Variants in FER1L6 observed in about 807,000 individuals in gnomAD.
The protein encoded by FER1L6 is fer-1 like family member 6.
A neutral mutation model predicts 219.2 loss-of-function variants in FER1L6; 177 were observed. The ratio of observed to expected loss-of-function variants is 0.81; its 90% CI spans 0.71 to 0.91. The LOEUF is 0.91. Ranked by LOEUF, FER1L6 falls within the 40% of genes least tolerant of loss-of-function variation. The probability of loss-of-function intolerance (pLI) is 0.00; values close to 1 mark genes in which losing one functional copy is unlikely to be tolerated. For synonymous variants in FER1L6, 768 were observed against 824.3 expected, an observed-to-expected ratio of 0.93 and a Z score of 1.17; for missense variants, 2,153 against 2,259.9, an observed-to-expected ratio of 0.95 and a Z score of 0.96.
At chr8:123,977,814 C>T (rs189746543) in intron 10 of FER1L6, among the ~76,000 whole-genome samples, 11 of 152,262 alleles carry the variant, frequency 7.2e-5, no homozygotes, top group African/African-American at 2.2e-4. Flanking sequence ...GCATTAGTCT[C>T]CTCATAAGGA....
intron 12 of FER1L6, among the ~76,000 whole-genome samples, chr8:124,000,295 T>C (rs1253953286): frequency 6.6e-6 from 1 of 152,374 alleles, no homozygotes; most frequent in East Asian, 1.9e-4. Context: ...CTGTTTTTCC[T>C]ACCTTCTTCA....
rs375748690 is a variant in FER1L6, at chr8:124,045,892, C to T, written c.2715C>T (p.Ser905=). 3.2e-5 allele frequency: 52 copies of T among 1,613,642 alleles called. No homozygotes were observed. The highest frequency in any genetic ancestry group is 1.1e-4 in the East Asian group (5 of 44,882). The part of the protein sequence containing the change: ...PPLVVVELYD[S]DAVGKPEYLG... ...TAGTGGTGGTGGAGCTGTATGACAG[C>T]GACGCTGTGGTGAGTGTCCCCCTGG... Residue 905 remains serine (S), a synonymous_variant, in exon 21 of 41, where the codon AGC becomes AGT. Transcript: ENST00000522917.
intron 1 of FER1L6, among the ~76,000 whole-genome samples, chr8:123,890,523 C>A (rs2129694783): frequency 6.6e-6 from 1 of 151,426 alleles, no homozygotes; most frequent in South Asian, 2.1e-4. Context: ...GTTTCCTATG[C>A]ATTTCCAACA....
At chr8:124,007,007 A>G (rs979632718) in intron 13 of FER1L6, among the ~76,000 whole-genome samples, 2 of 152,188 alleles carry the variant, frequency 1.3e-5, no homozygotes, top group Admixed American at 1.3e-4. Flanking sequence ...TTTTTAAGAG[A>G]TAAAGTAGAG....
intron 34 of FER1L6, among the ~76,000 whole-genome samples, 188 bp from the exon 35 acceptor site, chr8:124,094,708 A>G (rs988574930): frequency 2.6e-5 from 4 of 152,042 alleles, no homozygotes; most frequent in Non-Finnish European, 5.9e-5. Context: ...GCTCATCTTG[A>G]ACTCCTGACC....
intron 12 of FER1L6, among the ~76,000 whole-genome samples, chr8:123,999,982 C>T (rs1033707639): frequency 5.3e-4 from 81 of 152,146 alleles, no homozygotes; most frequent in African/African-American, 1.9e-3. Flanking sequence ...TCCTTGTGGC[C>T]TAGACTACCT....
chr8:123,976,040 G>A lies in FER1L6; in HGVS notation c.826G>A (p.Asp276Asn), dbSNP rs1244927045. ...CAAGGCATTTGTGGGTGACAGTAAG[G>A]ACCTGGTGGATCCCTTTGTGGAGGT... Reference protein sequence around the residue: ...VTKAFVGDSKDLVDPFVEVSF... With the variant: ...VTKAFVGDSKNLVDPFVEVSF... The change falls in exon 9 of 41, where the codon GAC becomes AAC. Residue 276 changes from aspartate to asparagine, a missense_variant. Coordinates refer to ENST00000522917, the MANE Select transcript of FER1L6 (RefSeq NM_001039112.2). 1.2e-5 allele frequency: 19 copies of A among 1,613,996 alleles called. No individual in the cohort carries two copies. The highest frequency in any genetic ancestry group is 4.5e-5 in the East Asian group (2 of 44,878).
chr8:123,987,280 C>G (rs563015723), intron 12 of FER1L6, among the ~76,000 whole-genome samples: 1 of 152,114 alleles, frequency 6.6e-6, no homozygotes, highest in African/African-American at 2.4e-5. Flanking sequence ...TGATGCTAAG[C>G]GCCTTTTCAT....
intron 34 of FER1L6, among the ~76,000 whole-genome samples, chr8:124,094,361 G>T (rs532321825): frequency 3.1e-4 from 47 of 152,194 alleles, no homozygotes; most frequent in African/African-American, 1.0e-3. Context: ...GTCCTCTTGT[G>T]AACTAGTCTT....
intron 1 of FER1L6, among the ~76,000 whole-genome samples, chr8:123,936,389 G>A (rs1452299226): frequency 1.3e-5 from 2 of 150,720 alleles, no homozygotes; most frequent in Non-Finnish European, 2.9e-5. Context: ...ATTATCTGCT[G>A]AGTTAATTAA....
chr8:123,854,438 G>A (rs1056038403), intron 1 of FER1L6, among the ~76,000 whole-genome samples: 12 of 152,084 alleles, frequency 7.9e-5, no homozygotes, highest in South Asian at 2.1e-4. Flanking sequence ...GCTTCATCTC[G>A]GATCTCTGCT....
chr8:124,073,716 CTAGAGG>C (rs1164344791), intron 31 of FER1L6, among the ~76,000 whole-genome samples: 3 of 152,084 alleles, frequency 2.0e-5, no homozygotes, highest in Non-Finnish European at 4.4e-5. Flanking sequence ...GTTCTATGTC[CTAGAGG>C]TAAAGTAATG....
Position 123,852,995 on chromosome 8 carries a change from A to C in FER1L6, c.-8+810A>C. Among the ~76,000 whole-genome samples, 1 of 152,206 alleles carries C rather than the reference A, an allele frequency of 6.6e-6. No individual in the cohort carries two copies. The highest frequency in any genetic ancestry group is 3.4e-3 in the Middle Eastern group (1 of 294). Reference sequence around the variant, plus strand: ...ATGTATTCTATGTGTCTATTTAGCTACCTATCAGATCAATTTTATTCTTAT... The same window carrying C: ...ATGTATTCTATGTGTCTATTTAGCTCCCTATCAGATCAATTTTATTCTTAT... On this transcript the variant is annotated intron_variant, in intron 1 of 40. Coordinates refer to ENST00000522917, the MANE Select transcript of FER1L6 (RefSeq NM_001039112.2). The surrounding 1 kb of genome is among the most constrained non-coding windows in gnomAD (Gnocchi z 4.9).
chr8:123,898,838 C>CATATGTGTAT (rs1812808570), intron 1 of FER1L6, among the ~76,000 whole-genome samples: 2 of 128,404 alleles, frequency 1.6e-5, no homozygotes, highest in Non-Finnish European at 3.4e-5. Flanking sequence ...TATATATATA[C>CATATGTGTAT]ATACATATAT....
chr8:123,910,981 G>T (rs1813039014), intron 1 of FER1L6, among the ~76,000 whole-genome samples: 2 of 152,052 alleles, frequency 1.3e-5, no homozygotes, highest in Admixed American at 1.3e-4. Context: ...TGAGGTCTAG[G>T]GTGAGTCACT....
At chr8:124,067,886 G>A in intron 28 of FER1L6, 80 bp downstream of exon 28, 4 of 1,165,088 alleles carry the variant, frequency 3.4e-6, no homozygotes, top group Non-Finnish European at 5.1e-6. Flanking sequence ...AGCCACGGGA[G>A]GTGTATTAGA....
chr8:123,947,206 A>T (rs1267340744), intron 1 of FER1L6, among the ~76,000 whole-genome samples: 1 of 151,880 alleles, frequency 6.6e-6, no homozygotes, highest in African/African-American at 2.4e-5. Context: ...GAATCACTTG[A>T]ACCTGGGAGG....
chr8:123,879,821 C>T (rs1448164852), intron 1 of FER1L6, among the ~76,000 whole-genome samples: 4 of 152,260 alleles, frequency 2.6e-5, no homozygotes, highest in Admixed American at 2.6e-4. Context: ...GCTCTCTCTC[C>T]ACTCCCAGCT....
intron 1 of FER1L6, among the ~76,000 whole-genome samples, chr8:123,884,031 C>A (rs879369321): frequency 3.3e-5 from 5 of 152,230 alleles, no homozygotes; most frequent in Admixed American, 6.5e-5. Context: ...CTATGACATA[C>A]ATACACTGGG....
Sources: allele counts gnomAD v4.1 joint callset (sites outside exome capture counted in the v4.1 genomes callset), GRCh38; gene constraint gnomAD v4.1.1; non-coding constraint Gnocchi (gnomAD v3.1); transcripts MANE v1.5; gene names NCBI Gene and HGNC (gene_info 2026-07-23, HGNC 2026-07-21).